Variants in NRG4 observed in about 807,000 individuals in gnomAD.
The protein encoded by NRG4 is neuregulin 4, also known as pro-neuregulin-4, membrane-bound isoform.
NRG4 carries 10 observed loss-of-function variants against 15.0 expected under a neutral mutation model. That is an observed-to-expected ratio of 0.67 (90% CI 0.41 to 1.13). The LOEUF (loss-of-function observed/expected upper bound fraction) is 1.13, where lower values mean the gene tolerates loss of function less well. Ranked by LOEUF, NRG4 falls within the 50% of genes most tolerant of loss-of-function variation. The pLI is 0.00. For missense variants in NRG4, 139 were observed against 140.2 expected, an observed-to-expected ratio of 0.99 and a Z score of 0.04; for synonymous variants, 41 against 50.1, an observed-to-expected ratio of 0.82 and a Z score of 0.77.
At chr15:76,032,616 A>G (rs900527785) in intron 5 of NRG4, among the ~76,000 whole-genome samples, 16 of 152,206 alleles carry the variant, frequency 1.1e-4, no homozygotes, top group African/African-American at 3.9e-4. Flanking sequence ...CATCCACAGA[A>G]AAATATCTAT....
At chr15:75,990,760 G>A (rs1245792395) in intron 3 of NRG4, among the ~76,000 whole-genome samples, 3 of 145,166 alleles carry the variant, frequency 2.1e-5, no homozygotes. Flanking sequence ...ATAGCCCACT[G>A]TACCCTCTAA....
chr15:76,058,886 G>C (rs2036221004), intron 1 of NRG4, among the ~76,000 whole-genome samples: 1 of 152,152 alleles, frequency 6.6e-6, no homozygotes, highest in African/African-American at 2.4e-5. Flanking sequence ...ACATTAATTA[G>C]AGTAGTACCC....
At chr15:75,961,291 T>C (rs1340852149) in intron 4 of NRG4, among the ~76,000 whole-genome samples, 1 of 152,024 alleles carries the variant, frequency 6.6e-6, no homozygotes, top group Admixed American at 6.6e-5. Context: ...TTTTTTTTTG[T>C]CTCTCTTGTG....
intron 4 of NRG4, among the ~76,000 whole-genome samples, chr15:75,958,261 C>T (rs936347583): frequency 6.6e-6 from 1 of 152,204 alleles, no homozygotes; most frequent in African/African-American, 2.4e-5. Flanking sequence ...ATCCGCCCTC[C>T]TCGGCCTCCC....
At chr15:75,992,050 C>A (rs1244887378) in intron 3 of NRG4, among the ~76,000 whole-genome samples, 1 of 152,092 alleles carries the variant, frequency 6.6e-6, no homozygotes, top group Non-Finnish European at 1.5e-5. Context: ...CTAGGCCTTA[C>A]AGTACACATT....
intron 5 of NRG4, among the ~76,000 whole-genome samples, chr15:76,030,116 G>A (rs1193811878): frequency 6.6e-6 from 1 of 152,102 alleles, no homozygotes; most frequent in Admixed American, 6.5e-5. Context: ...AAATTAGCCA[G>A]GTGTGGTGGC....
rs559688528 is a variant in NRG4 at position 76,011,596 on chromosome 15, T to C, written c.-56-310A>G. ...CTTTTTTTCGTAAACATTGTTAACA[T>C]AGTAGAGTACTACATGGAATTTTAC... On this transcript the variant is annotated intron_variant, in intron 1 of 5. Transcript: ENST00000394907. 5.3e-5 allele frequency among the ~76,000 whole-genome samples: 8 copies of C among 152,336 alleles called. No individual in the cohort carries two copies. The East Asian group carries it at 1.3e-3, about 26-fold the overall frequency.
In NRG4 at chr15:75,943,634, T is replaced by C; in HGVS notation, c.*4A>G. The C allele has an allele frequency of 6.4e-7, 1 of 1,565,462 alleles. No individual in the cohort carries two copies. The stretch of plus-strand genomic sequence containing the variant: ...ACAATGATTTGGTTCACTTTGACGT[T>C]TCTTCAGTGTTGTTCATGACCTGTG... On this transcript the variant is annotated 3_prime_UTR_variant, in exon 6 of 6. Transcript: ENST00000394907.
Position 75,944,848 on chromosome 15 carries a change from G to T in NRG4, c.332-1194C>A, listed in dbSNP as rs974825993. ...TTCAACCTTGAAAAAACGGTCAAAT[G>T]AACTAATTTTGTCAGCTGAGCCTAA... On this transcript the variant is annotated intron_variant, in intron 5 of 5. Coordinates refer to ENST00000394907, the MANE Select transcript of NRG4 (RefSeq NM_138573.4). Among the ~76,000 whole-genome samples, 4 of 151,854 alleles carry T rather than the reference G, an allele frequency of 2.6e-5. No homozygotes were observed. The East Asian group carries it at 5.8e-4, about 22-fold the overall frequency.
intron 3 of NRG4, among the ~76,000 whole-genome samples, chr15:75,985,493 C>T (rs973007990): frequency 6.6e-6 from 1 of 152,128 alleles, no homozygotes; most frequent in African/African-American, 2.4e-5. Flanking sequence ...GTATCTTCTG[C>T]CTCGCATATA....
intron 4 of NRG4, among the ~76,000 whole-genome samples, chr15:76,037,426 T>C (rs917175180): frequency 2.0e-5 from 3 of 152,144 alleles, no homozygotes; most frequent in African/African-American, 4.8e-5. Flanking sequence ...AGACTTTACA[T>C]TGAACTCAGT....
chr15:75,943,673 A>G lies in NRG4; in HGVS notation c.332-19T>C, dbSNP rs763140137. On this transcript the variant is annotated intron_variant, in intron 5 of 5. Transcript: ENST00000394907. The stretch of plus-strand genomic sequence containing the variant: ...TCATGACCTGTGAAAAATAAGTAAG[A>G]ATTAAGATGCTTTCTCCATTGCAAT... The G allele has an allele frequency of 4.6e-6, 7 of 1,513,386 alleles. No homozygotes were observed. In the Admixed American group the frequency reaches 1.2e-4, roughly 26 times the overall value. The allele number at this position is 1,513,386 out of a possible 1,614,324, so 93.7% of individuals were successfully genotyped here. A position where few individuals can be genotyped will look rare whatever the true frequency, so the allele number is the denominator to read the frequency against.
chr15:75,996,919 T>C (rs985425587), intron 3 of NRG4, among the ~76,000 whole-genome samples: 1 of 152,174 alleles, frequency 6.6e-6, no homozygotes, highest in African/African-American at 2.4e-5. Context: ...AATTCTCTTC[T>C]AACACATATT....
intron 5 of NRG4, among the ~76,000 whole-genome samples, chr15:76,032,426 C>T (rs2035496497): frequency 6.6e-6 from 1 of 152,014 alleles, no homozygotes; most frequent in Non-Finnish European, 1.5e-5. Flanking sequence ...GTGTCAGGAC[C>T]TTTCCGATTA....
At chr15:75,949,014 G>A (rs923218667) in intron 5 of NRG4, among the ~76,000 whole-genome samples, 4 of 152,156 alleles carry the variant, frequency 2.6e-5, no homozygotes, top group Non-Finnish European at 5.9e-5. Context: ...TCACGTCCCT[G>A]CACTGCTAGA....
chr15:76,006,772 T>A (rs1338161993), intron 3 of NRG4, among the ~76,000 whole-genome samples: 2 of 152,206 alleles, frequency 1.3e-5, no homozygotes, highest in Non-Finnish European at 2.9e-5. Flanking sequence ...ATTGGTAACT[T>A]TTTGAAAATA....
At chr15:76,054,853 C>G (rs2036115637) in intron 2 of NRG4, among the ~76,000 whole-genome samples, 2 of 152,134 alleles carry the variant, frequency 1.3e-5, no homozygotes, top group African/African-American at 4.8e-5. Context: ...AACACATATG[C>G]CAATGTACTG....
chr15:76,058,681 C>T (rs2036215965), intron 1 of NRG4, among the ~76,000 whole-genome samples: 1 of 152,176 alleles, frequency 6.6e-6, no homozygotes, highest in Admixed American at 6.5e-5. Flanking sequence ...TCTGCAGAGC[C>T]AAAAGCCATT....
chr15:76,051,284 C>T (rs1228838124), intron 4 of NRG4, among the ~76,000 whole-genome samples: 2 of 150,162 alleles, frequency 1.3e-5, no homozygotes, highest in Non-Finnish European at 3.0e-5. Flanking sequence ...GGATTACAGG[C>T]GTGAGCCACC....
Sources: gnomAD v4.1 joint callset for allele counts (sites outside exome capture counted in the v4.1 genomes callset) on GRCh38, gnomAD v4.1.1 for gene constraint, MANE v1.5 for transcripts, NCBI Gene and HGNC (gene_info 2026-07-23, HGNC 2026-07-21) for gene names.